UBE2E2: variants seen among roughly 807,000 people sequenced by gnomAD.
UBE2E2 encodes the protein ubiquitin-conjugating enzyme E2 E2.
UBE2E2 carries 6 observed loss-of-function variants against 24.7 expected under a neutral mutation model. The observed-to-expected ratio is 0.24, with a 90% CI of 0.13 to 0.48. The LOEUF (loss-of-function observed/expected upper bound fraction) is 0.48, where lower values mean the gene tolerates loss of function less well. Ranked by LOEUF, UBE2E2 falls within the 20% of genes least tolerant of loss-of-function variation. UBE2E2 has a pLI of 0.99. For missense variants in UBE2E2, 169 were observed against 245.0 expected, an observed-to-expected ratio of 0.69 and a Z score of 2.07; for synonymous variants, 104 against 83.6, an observed-to-expected ratio of 1.24 and a Z score of -1.33.
intron 3 of UBE2E2, among the ~76,000 whole-genome samples, chr3:23,437,618 G>T (rs1698212712): frequency 6.6e-6 from 1 of 152,224 alleles, no homozygotes; most frequent in Non-Finnish European, 1.5e-5. Context: ...GGAGAGGAAT[G>T]CCGGAGGCCC....
intron 3 of UBE2E2, among the ~76,000 whole-genome samples, chr3:23,391,366 G>C (rs1382046658): frequency 6.6e-6 from 1 of 152,164 alleles, no homozygotes; most frequent in Non-Finnish European, 1.5e-5. Context: ...GCAAACCATA[G>C]TTCAGGAATG....
chr3:23,494,671 G>T (rs1479678205), intron 3 of UBE2E2, among the ~76,000 whole-genome samples: 1 of 152,120 alleles, frequency 6.6e-6, no homozygotes, highest in Non-Finnish European at 1.5e-5. Flanking sequence ...AATGTTAGAA[G>T]AGTCCAGGTT....
rs1697382262 is a variant in UBE2E2 at position 23,407,320 on chromosome 3, AG to A, written c.228-92287del. 6.6e-6 allele frequency among the ~76,000 whole-genome samples: 1 copy of A among 152,156 alleles called. No homozygotes were observed. Among genetic ancestry groups the A allele is most frequent in the Non-Finnish European group, 1.5e-5 (1 of 68,018 alleles). On this transcript the variant is annotated intron_variant, in intron 3 of 5. Transcript: ENST00000396703. This position sits in a 1 kb window ranked among gnomAD's most constrained non-coding sequence, Gnocchi z 4.0. ...AACCTGGTATAAACAGCCCTAGTCT[AG>A]CTGCTACACAGCTGCTTAGTTCTGG... is the stretch of plus-strand genomic sequence containing the variant.
intron 1 of UBE2E2, among the ~76,000 whole-genome samples, chr3:23,207,109 G>GCA: frequency 6.6e-6 from 1 of 152,290 alleles, no homozygotes; most frequent in East Asian, 1.9e-4. Flanking sequence ...ACCATGGGGA[G>GCA]CACAAGGCCT....
chr3:23,354,974 C>T (rs1372124304), intron 3 of UBE2E2, among the ~76,000 whole-genome samples: 1 of 151,856 alleles, frequency 6.6e-6, no homozygotes, highest in Non-Finnish European at 1.5e-5. Context: ...GACTTGGAAC[C>T]AACCCAAATG....
At chr3:23,333,696 A>G (rs1253643021) in intron 3 of UBE2E2, among the ~76,000 whole-genome samples, 2 of 152,168 alleles carry the variant, frequency 1.3e-5, no homozygotes, top group Non-Finnish European at 2.9e-5. Context: ...ATTGTTAGTA[A>G]TAGTAGGAGC....
chr3:23,358,933 G>C (rs1696039256), intron 3 of UBE2E2, among the ~76,000 whole-genome samples: 1 of 152,108 alleles, frequency 6.6e-6, no homozygotes, highest in African/African-American at 2.4e-5. Flanking sequence ...AATTGACCAA[G>C]GGTACCTAGC....
chr3:23,254,037 A>G (rs1479866166), intron 3 of UBE2E2, among the ~76,000 whole-genome samples: 1 of 152,256 alleles, frequency 6.6e-6, no homozygotes, highest in Non-Finnish European at 1.5e-5. Flanking sequence ...GGATAGAACT[A>G]CACTAAAAAG....
intron 3 of UBE2E2, among the ~76,000 whole-genome samples, chr3:23,469,337 A>C (rs1427073768): frequency 6.6e-6 from 1 of 152,234 alleles, no homozygotes; most frequent in Non-Finnish European, 1.5e-5. Flanking sequence ...AAGATAATAG[A>C]TAAAGAATGG....
At chr3:23,542,555 T>C (rs1695418179) in intron 5 of UBE2E2, among the ~76,000 whole-genome samples, 1 of 152,284 alleles carries the variant, frequency 6.6e-6, no homozygotes, top group South Asian at 2.1e-4. Context: ...ATAGTATTCA[T>C]GGTGGAGAGA....
chr3:23,566,870 C>A (rs1696086575), intron 5 of UBE2E2, among the ~76,000 whole-genome samples: 4 of 152,060 alleles, frequency 2.6e-5, no homozygotes, highest in African/African-American at 9.7e-5. Flanking sequence ...TAAGAGATGA[C>A]AAAGGCTACA....
intron 3 of UBE2E2, among the ~76,000 whole-genome samples, chr3:23,332,674 G>GGGTGTGTGT: frequency 9.3e-6 from 1 of 108,072 alleles, no homozygotes; most frequent in South Asian, 2.8e-4. Flanking sequence ...CAGCCAGTGG[G>GGGTGTGTGT]GTGTGTGTGT....
intron 1 of UBE2E2, among the ~76,000 whole-genome samples, chr3:23,206,791 A>G (rs917604166): frequency 2.6e-5 from 4 of 152,164 alleles, no homozygotes; most frequent in African/African-American, 9.7e-5. Context: ...GTGATGATGA[A>G]TTTTCATCAG....
intron 3 of UBE2E2, among the ~76,000 whole-genome samples, chr3:23,496,026 G>A (rs2125453143): frequency 6.6e-6 from 1 of 152,028 alleles, no homozygotes; most frequent in South Asian, 2.1e-4. Flanking sequence ...ATCCCTTGTT[G>A]TTCTCATAAC....
chr3:23,517,714 A>C (rs1225943639), intron 4 of UBE2E2, among the ~76,000 whole-genome samples: 1 of 152,194 alleles, frequency 6.6e-6, no homozygotes, highest in Non-Finnish European at 1.5e-5. Context: ...TTAGCTGTAC[A>C]TACAACTATC....
chr3:23,262,348 A>G (rs1276640586), intron 3 of UBE2E2, among the ~76,000 whole-genome samples: 1 of 152,184 alleles, frequency 6.6e-6, no homozygotes, highest in Non-Finnish European at 1.5e-5. Flanking sequence ...TGGCGCGATC[A>G]TAGCCCATTG....
chr3:23,575,718 C>T (rs534439463), intron 5 of UBE2E2, among the ~76,000 whole-genome samples: 1 of 152,180 alleles, frequency 6.6e-6, no homozygotes, highest in African/African-American at 2.4e-5. Flanking sequence ...GCAGCATTTA[C>T]CAGACATTTA....
rs533202134 is a variant in UBE2E2, at chr3:23,559,947, G to T, written c.508+27246G>T. 1.3e-5 allele frequency among the ~76,000 whole-genome samples: 2 copies of T among 152,180 alleles called. 1 individual carries two copies. Among genetic ancestry groups the T allele is most frequent in the African/African-American group, 4.8e-5 (2 of 41,536 alleles). On this transcript the variant is annotated intron_variant, in intron 5 of 5. Coordinates refer to ENST00000396703, the MANE Select transcript of UBE2E2 (RefSeq NM_152653.4). ...AAAATATACCTCATGCACATAGTGG[G>T]TGTGCTCTTTAGAGGCCAAGAGGCT...
chr3:23,424,467 A>C (rs1443313447), intron 3 of UBE2E2, among the ~76,000 whole-genome samples: 1 of 151,450 alleles, frequency 6.6e-6, no homozygotes, highest in East Asian at 1.9e-4. Flanking sequence ...ATTTGCTTTA[A>C]GTGATACTGA....
Sources: allele counts gnomAD v4.1 joint callset (sites outside exome capture counted in the v4.1 genomes callset), GRCh38; gene constraint gnomAD v4.1.1; non-coding constraint Gnocchi (gnomAD v3.1); transcripts MANE v1.5; gene names NCBI Gene and HGNC (gene_info 2026-07-23, HGNC 2026-07-21).